The following CSMD1 variants were observed in gnomAD, a reference collection of about 807,000 sequenced individuals.
The protein encoded by CSMD1 is CUB and sushi domain-containing protein 1.
A neutral mutation model predicts 417.5 loss-of-function variants in CSMD1; 213 were observed. That is an observed-to-expected ratio of 0.51 (90% CI 0.46 to 0.57). The LOEUF is 0.57. Among genes scored for constraint, CSMD1 ranks in the 20% least tolerant of loss-of-function variants. The pLI, the probability that CSMD1 is intolerant of heterozygous loss-of-function variation, is 0.00. For synonymous variants in CSMD1, 2,862 were observed against 1,736.8 expected (o/e 1.65, Z -16.11); for missense variants, 6,923 against 4,529.7 (o/e 1.53, Z -15.17).
In CSMD1 at chr8:3,949,887, G is replaced by C. The variant is rs376260685; in HGVS notation, c.818+48016C>G. The stretch of plus-strand genomic sequence containing the variant: ...GCCTCCTCATTCAGCCCCAATTCAA[G>C]ATTGTGCCTCCATGGGAAGCTCCAG... On this transcript the variant is annotated intron_variant, in intron 5 of 69. Coordinates refer to ENST00000635120, the MANE Select transcript of CSMD1 (RefSeq NM_033225.6). 2.0e-3 allele frequency: 900 copies of C among 455,788 alleles called. 11 individuals are homozygous for C. The highest frequency in any genetic ancestry group is 0.016 in the African/African-American group (787 of 50,084). The allele number at this position is 455,788 out of a possible 1,614,324, so 28.2% of individuals were successfully genotyped here. A position where few individuals can be genotyped will look rare whatever the true frequency, so the allele number is the denominator to read the frequency against.
intron 2 of CSMD1, among the ~76,000 whole-genome samples, chr8:4,540,603 CA>C (rs1347318093): frequency 1.3e-5 from 2 of 152,042 alleles, no homozygotes; most frequent in Non-Finnish European, 2.9e-5. Flanking sequence ...AGCACTATAA[CA>C]GAAGTGAAAA....
chr8:4,711,481 A>T (rs939888337), intron 1 of CSMD1, among the ~76,000 whole-genome samples: 35 of 152,306 alleles, frequency 2.3e-4, no homozygotes, highest in African/African-American at 7.7e-4. Context: ...TTTGTAAAGC[A>T]AAATTTATTT....
chr8:3,508,640 C>T (rs1478062831), intron 10 of CSMD1, among the ~76,000 whole-genome samples: 2 of 152,160 alleles, frequency 1.3e-5, no homozygotes, highest in African/African-American at 4.8e-5. Context: ...TTTATTCAAT[C>T]ACTCCTTCAG....
chr8:4,218,209 T>G (rs1800801483), intron 3 of CSMD1, among the ~76,000 whole-genome samples: 2 of 152,208 alleles, frequency 1.3e-5, no homozygotes, highest in Admixed American at 1.3e-4. Flanking sequence ...GTTGGCACTT[T>G]GCTCATTTCA....
chr8:4,571,826 A>T (rs938694276), intron 2 of CSMD1, among the ~76,000 whole-genome samples: 5 of 152,152 alleles, frequency 3.3e-5, no homozygotes, highest in African/African-American at 1.2e-4. Context: ...TTGGGTGCAT[A>T]TATATTTAGG....
intron 3 of CSMD1, among the ~76,000 whole-genome samples, chr8:4,249,544 G>T (rs1802923492): frequency 1.3e-5 from 2 of 152,156 alleles, no homozygotes; most frequent in Admixed American, 6.6e-5. Flanking sequence ...TGACTCTCAG[G>T]GAGACCTGAG....
chr8:4,434,424 T>C (rs991102424), intron 2 of CSMD1, among the ~76,000 whole-genome samples: 12 of 152,178 alleles, frequency 7.9e-5, no homozygotes, highest in Admixed American at 7.2e-4. Context: ...AAGCCACTTT[T>C]TGAACTCAGC....
At chr8:4,341,796 A>G (rs1229146229) in intron 3 of CSMD1, among the ~76,000 whole-genome samples, 1 of 152,090 alleles carries the variant, frequency 6.6e-6, no homozygotes, top group African/African-American at 2.4e-5. Context: ...AGTGCCCATT[A>G]ATTTGTTCAC....
chr8:4,977,652 C>A (rs1373834923), intron 1 of CSMD1, among the ~76,000 whole-genome samples: 1 of 152,196 alleles, frequency 6.6e-6, no homozygotes, highest in Admixed American at 6.5e-5. Flanking sequence ...CGTGCAGACC[C>A]AGATGCCTCA....
chr8:3,532,393 G>T (rs10086554), intron 10 of CSMD1, among the ~76,000 whole-genome samples: 27 of 151,996 alleles, frequency 1.8e-4, no homozygotes, highest in Admixed American at 3.9e-4. Context: ...CGAGTGGTGA[G>T]GATGGTGAGC....
rs1798008966 is a variant in CSMD1, at chr8:4,796,876, A to G, written c.86-159318T>C. Among the ~76,000 whole-genome samples the G allele has an allele frequency of 2.0e-5, 3 of 152,300 alleles. No individual in the cohort carries two copies. In the South Asian group the frequency reaches 6.2e-4, roughly 32 times the overall value. On this transcript the variant is annotated intron_variant, in intron 1 of 69. Coordinates refer to ENST00000635120, the MANE Select transcript of CSMD1 (RefSeq NM_033225.6). The stretch of plus-strand genomic sequence containing the variant: ...AGGTCTGGGGTCAGGCAAGCCGCAC[A>G]TATGCACACAACTGAAACGCTATGG...
At chr8:3,960,076 T>C (rs1647655281) in intron 5 of CSMD1, among the ~76,000 whole-genome samples, 1 of 152,330 alleles carries the variant, frequency 6.6e-6, no homozygotes, top group East Asian at 1.9e-4. Context: ...GATCATCTTA[T>C]TAGACAACAG....
chr8:4,449,084 G>T (rs961416722), intron 2 of CSMD1, among the ~76,000 whole-genome samples: 1 of 152,204 alleles, frequency 6.6e-6, no homozygotes, highest in East Asian at 1.9e-4. Flanking sequence ...TTTCTAAGGA[G>T]ATTGAATAGC....
At chr8:3,840,673 G>T (rs983035190) in intron 5 of CSMD1, among the ~76,000 whole-genome samples, 36 of 150,546 alleles carry the variant, frequency 2.4e-4, no homozygotes, top group African/African-American at 8.8e-4. Flanking sequence ...ACTATACAGT[G>T]ACCTCAATTC....
chr8:4,857,356 A>G (rs1260790206), intron 1 of CSMD1, among the ~76,000 whole-genome samples: 1 of 151,848 alleles, frequency 6.6e-6, no homozygotes, highest in Admixed American at 6.6e-5. Flanking sequence ...AATTAAAAGA[A>G]TTAGAAAAGC....
intron 11 of CSMD1, among the ~76,000 whole-genome samples, chr8:3,474,976 C>T (rs1430850798): frequency 6.6e-6 from 1 of 151,980 alleles, no homozygotes; most frequent in Non-Finnish European, 1.5e-5. Context: ...GCCCCCAAGC[C>T]CTGCAGTGTA....
At chr8:3,637,130 C>A (rs11998398) in intron 7 of CSMD1, among the ~76,000 whole-genome samples, 62,386 of 152,030 alleles carry the variant, frequency 0.41, 13,144 homozygotes, top group Middle Eastern at 0.59. Flanking sequence ...TATAAATTAT[C>A]CCGTTTGTGC....
chr8:4,700,017 T>C (rs1214179514), intron 1 of CSMD1, among the ~76,000 whole-genome samples: 2 of 152,340 alleles, frequency 1.3e-5, no homozygotes, highest in South Asian at 2.1e-4. Context: ...ATCTCGCTAA[T>C]CTTAGAAAGC....
intron 26 of CSMD1, chr8:3,278,549 C>A (rs1377946524): frequency 6.6e-6 from 1 of 152,050 alleles, no homozygotes; most frequent in Non-Finnish European, 1.5e-5. Context: ...TTTTTGAGTT[C>A]TATTTAAAAA....
Sources: gnomAD v4.1 joint callset for allele counts (sites outside exome capture counted in the v4.1 genomes callset) on GRCh38, gnomAD v4.1.1 for gene constraint, MANE v1.5 for transcripts, NCBI Gene and HGNC (gene_info 2026-07-23, HGNC 2026-07-21) for gene names.